Variants in PTRHD1 observed in about 807,000 individuals in gnomAD.
The protein encoded by PTRHD1 is putative peptidyl-tRNA hydrolase PTRHD1.
PTRHD1 carries 12 observed loss-of-function variants against 13.6 expected under a neutral mutation model. That is an observed-to-expected ratio of 0.88 (90% CI 0.57 to 1.43). PTRHD1 has a LOEUF of 1.43. Ranked by LOEUF, PTRHD1 falls within the 40% of genes most tolerant of loss-of-function variation. The pLI, the probability that PTRHD1 is intolerant of heterozygous loss-of-function variation, is 0.00. For synonymous variants in PTRHD1, 86 were observed against 79.5 expected, an observed-to-expected ratio of 1.08 and a Z score of -0.43; for missense variants, 203 against 184.7, an observed-to-expected ratio of 1.10 and a Z score of -0.57.
Position 24,790,450 on chromosome 2 carries a change from T to C in PTRHD1, c.384A>G (p.Glu128=), listed in dbSNP as rs772559771. 2.2e-5 allele frequency: 35 copies of C among 1,614,064 alleles called. No individual in the cohort carries two copies. Among genetic ancestry groups the C allele is most frequent in the Non-Finnish European group, 2.7e-5 (32 of 1,180,040 alleles). ...GGAACTTCTTCAAATACTGGCCCAC[T>C]TCTTCCTTGGGGTAGGGCCGGAGAG... ...CIALRPYPKE[E]VGQYLKKFRL... Residue 128 remains glutamate (E), a synonymous_variant, in exon 2 of 2, where the codon GAA becomes GAG. Coordinates refer to ENST00000328379, the MANE Select transcript of PTRHD1 (RefSeq NM_001013663.2).
chr2:24,791,070 G>C (rs746120565), intron 1 of PTRHD1, among the ~76,000 whole-genome samples: 7 of 151,774 alleles, frequency 4.6e-5, no homozygotes, highest in African/African-American at 1.7e-4. Flanking sequence ...GATTACAGGC[G>C]CACACCACTA....
Position 24,793,111 on chromosome 2 carries a change from GC to G in PTRHD1, c.252+14del, listed in dbSNP as rs758656589. On this transcript the variant is annotated intron_variant, in intron 1 of 1. Coordinates refer to ENST00000328379, the MANE Select transcript of PTRHD1 (RefSeq NM_001013663.2). ...TCGATGTCTCAGCACCTCCCCCTCC[GC>G]CCGAGTGCCTCACCTCGAGGACCAC... 2.6e-5 allele frequency: 41 copies of G among 1,606,740 alleles called. No individual in the cohort carries two copies. Among genetic ancestry groups the G allele is most frequent in the Non-Finnish European group, 3.4e-5 (40 of 1,176,502 alleles).
intron 1 of PTRHD1, chr2:24,792,314 TA>T (rs997920391): frequency 1.2e-4 from 18 of 152,380 alleles, no homozygotes; most frequent in African/African-American, 4.3e-4. Flanking sequence ...TTCCTTATTA[TA>T]AAATATGTGC....
chr2:24,790,192 C>G lies in PTRHD1; in HGVS notation c.*219G>C. On this transcript the variant is annotated 3_prime_UTR_variant, in exon 2 of 2. Coordinates refer to ENST00000328379, the MANE Select transcript of PTRHD1 (RefSeq NM_001013663.2). Reference sequence around the variant, plus strand: ...CCACAGGAGAGTCTAACCAAATCTTCTATTTGAGCAATGATCCCCAGACAA... The same window carrying G: ...CCACAGGAGAGTCTAACCAAATCTTGTATTTGAGCAATGATCCCCAGACAA... The G allele has an allele frequency of 2.0e-6, 1 of 506,618 alleles. No homozygotes were observed. The highest frequency in any genetic ancestry group is 3.8e-5 in the Admixed American group (1 of 26,390). The allele number at this position is 506,618 out of a possible 1,614,324, so 31.4% of individuals were successfully genotyped here.
chr2:24,790,655 G>A lies in PTRHD1; in HGVS notation c.253-74C>T, dbSNP rs1665600334. 13 of 1,392,528 alleles carry A rather than the reference G, an allele frequency of 9.3e-6. No individual in the cohort carries two copies. The South Asian group carries it at 1.5e-4, about 16-fold the overall frequency. 86.3% of individuals were successfully genotyped at this position (1,392,528 alleles called of 1,614,324 possible). On this transcript the variant is annotated intron_variant, in intron 1 of 1. Transcript: ENST00000328379. ...TGTCAAAAGGCCAAAAAAGGTTTCG[G>A]GAGTCCTCTTGCCTGAAAGTGGAGT...
Position 24,793,174 on chromosome 2 carries a change from T to G in PTRHD1, c.204A>C (p.Thr68=). The G allele has an allele frequency of 1.2e-6, 2 of 1,613,400 alleles. No homozygotes were observed. Among genetic ancestry groups the G allele is most frequent in the Non-Finnish European group, 8.5e-7 (1 of 1,179,878 alleles). The change falls in exon 1 of 2, where the codon ACA becomes ACC. Residue 68 remains threonine, a synonymous_variant. Coordinates refer to ENST00000328379, the MANE Select transcript of PTRHD1 (RefSeq NM_001013663.2). ...GCCCCAGCTCTTGGAGGTAAGCGGC[T>G]GTGTGCGGGTGGTCGCGGTGAGTGT... The part of the protein sequence containing the change: ...ALHTHRDHPH[T]AAYLQELGRM...
chr2:24,792,858 G>T, intron 1 of PTRHD1: 1 of 553,090 alleles, frequency 1.8e-6, no homozygotes, highest in Admixed American at 3.3e-5. Flanking sequence ...GCTTTAAAAA[G>T]TCGGCCAGTG....
intron 1 of PTRHD1, 135 bp downstream of exon 1, chr2:24,792,991 A>G: frequency 9.3e-7 from 1 of 1,076,652 alleles, no homozygotes; most frequent in Non-Finnish European, 1.3e-6. Flanking sequence ...CCAGGGAAAC[A>G]GCTCCAGTCT....
rs1453004814 is a variant in PTRHD1, at chr2:24,789,732, G to C, written c.*679C>G. 6.6e-6 allele frequency: 1 copy of C among 152,294 alleles called. No individual in the cohort carries two copies. The highest frequency in any genetic ancestry group is 1.5e-5 in the Non-Finnish European group (1 of 68,102). The allele number at this position is 152,294 out of a possible 1,614,324, so 9.4% of individuals were successfully genotyped here. On this transcript the variant is annotated 3_prime_UTR_variant, in exon 2 of 2. Transcript: ENST00000328379. ...CTGAAATGACAAGAAAACAGCTGTA[G>C]TACTTGACAGATTTCATTGAATCTA...
chr2:24,790,626 G>A (rs1665599813), intron 1 of PTRHD1, 45 bp from the exon 2 acceptor site: 1 of 1,566,186 alleles, frequency 6.4e-7, no homozygotes, highest in Non-Finnish European at 8.7e-7. Context: ...GCCCACTTAG[G>A]AAGTGTCAAA....
rs1469110584 is a variant in PTRHD1 at position 24,790,100 on chromosome 2, G to A, written c.*311C>T. The A allele has an allele frequency of 1.7e-5, 4 of 240,036 alleles. No homozygotes were observed. Among genetic ancestry groups the A allele is most frequent in the Non-Finnish European group, 3.2e-5 (4 of 125,010 alleles). The allele number at this position is 240,036 out of a possible 1,614,324, so 14.9% of individuals were successfully genotyped here. A position where few individuals can be genotyped will look rare whatever the true frequency, so the allele number is the denominator to read the frequency against. On this transcript the variant is annotated 3_prime_UTR_variant, in exon 2 of 2. Coordinates refer to ENST00000328379, the MANE Select transcript of PTRHD1 (RefSeq NM_001013663.2). ...ATTCAATGAAATATGATAACTGGAT[G>A]TGAATAAGAAGGAATTCAAAAGCAA... is the stretch of plus-strand genomic sequence containing the variant.
intron 1 of PTRHD1, chr2:24,792,897 C>CGGG: frequency 3.3e-6 from 2 of 601,696 alleles, no homozygotes; most frequent in Non-Finnish European, 5.8e-6. Context: ...GACACAGGAG[C>CGGG]CACCACTTTA....
At chr2:24,791,049 C>T (rs1292553917) in intron 1 of PTRHD1, among the ~76,000 whole-genome samples, 8 of 151,892 alleles carry the variant, frequency 5.3e-5, no homozygotes, top group African/African-American at 1.9e-4. Context: ...CTCAGCCTCC[C>T]GAGTAGCTGG....
In PTRHD1 at chr2:24,793,122, T is replaced by G. The variant is rs978270932; in HGVS notation, c.252+4A>C. The G allele has an allele frequency of 9.3e-6, 15 of 1,609,708 alleles. No homozygotes were observed. Among genetic ancestry groups the G allele is most frequent in the Admixed American group, 8.3e-5 (5 of 59,888 alleles). ...GCACCTCCCCCTCCGCCCGAGTGCCTCACCTCGAGGACCACTTTGCGCATG... is the reference window on the plus strand; with the variant it reads ...GCACCTCCCCCTCCGCCCGAGTGCCGCACCTCGAGGACCACTTTGCGCATG... On this transcript the variant is annotated splice_donor_region_variant and intron_variant, in intron 1 of 1. Coordinates refer to ENST00000328379, the MANE Select transcript of PTRHD1 (RefSeq NM_001013663.2).
chr2:24,791,416 T>C (rs1233476829), intron 1 of PTRHD1: 2 of 152,234 alleles, frequency 1.3e-5, no homozygotes, highest in Admixed American at 1.3e-4. Context: ...AATTCACCCA[T>C]GCTGAATCCC....
In PTRHD1 at chr2:24,793,111, G is replaced by T; in HGVS notation, c.252+15C>A. On this transcript the variant is annotated intron_variant, in intron 1 of 1. Transcript: ENST00000328379. ...TCGATGTCTCAGCACCTCCCCCTCCGCCCGAGTGCCTCACCTCGAGGACCA... is the reference window on the plus strand; with the variant it reads ...TCGATGTCTCAGCACCTCCCCCTCCTCCCGAGTGCCTCACCTCGAGGACCA... 1 of 1,606,856 alleles carries T rather than the reference G, an allele frequency of 6.2e-7. No individual in the cohort carries two copies. Among genetic ancestry groups the T allele is most frequent in the South Asian group, 1.1e-5 (1 of 90,764 alleles).
chr2:24,793,025 C>T (rs894772230), intron 1 of PTRHD1, 101 bp downstream of exon 1: 21 of 1,385,682 alleles, frequency 1.5e-5, no homozygotes, highest in Non-Finnish European at 1.8e-5. Context: ...CACCCCAACT[C>T]CCGCCGCACC....
At position 24,793,134 on chromosome 2, in the gene PTRHD1, C is replaced by T. The variant is rs1188458263; in HGVS notation, c.244G>A (p.Val82Ile). 2 of 1,612,158 alleles carry T rather than the reference C, an allele frequency of 1.2e-6. No individual in the cohort carries two copies. The highest frequency in any genetic ancestry group is 1.7e-6 in the Non-Finnish European group (2 of 1,179,192). ...LQELGRMRKVVLEAPDETTLK... is the reference protein window; with the variant it reads ...LQELGRMRKVILEAPDETTLK... ...CCGCCCGAGTGCCTCACCTCGAGGA[C>T]CACTTTGCGCATGCGCCCCAGCTCT... The change falls in exon 1 of 2, where the codon GTC becomes ATC. Residue 82 changes from valine to isoleucine, a missense_variant. Physicochemically the swap from Val to Ile is conservative, Grantham distance 29 (BLOSUM62 3). Coordinates refer to ENST00000328379, the MANE Select transcript of PTRHD1 (RefSeq NM_001013663.2).
rs10177595 is a variant in PTRHD1, at chr2:24,790,193, T to C, written c.*218A>G. Reference sequence around the variant, plus strand: ...CACAGGAGAGTCTAACCAAATCTTCTATTTGAGCAATGATCCCCAGACAAT... The same window carrying C: ...CACAGGAGAGTCTAACCAAATCTTCCATTTGAGCAATGATCCCCAGACAAT... On this transcript the variant is annotated 3_prime_UTR_variant, in exon 2 of 2. Transcript: ENST00000328379. 231,794 of 492,012 alleles carry C rather than the reference T, an allele frequency of 0.47. 58,041 individuals are homozygous for C. Among genetic ancestry groups the C allele is most frequent in the Admixed American group, 0.6 (15,321 of 25,694 alleles). The allele number at this position is 492,012 out of a possible 1,614,324, so 30.5% of individuals were successfully genotyped here. A position where few individuals can be genotyped will look rare whatever the true frequency, so the allele number is the denominator to read the frequency against.
Sources: gnomAD v4.1 joint callset for allele counts (sites outside exome capture counted in the v4.1 genomes callset) on GRCh38, gnomAD v4.1.1 for gene constraint, MANE v1.5 for transcripts, NCBI Gene and HGNC (gene_info 2026-07-23, HGNC 2026-07-21) for gene names.